Variants in HPSE2 observed in about 807,000 individuals in gnomAD.
HPSE2 encodes inactive heparanase-2.
A neutral mutation model predicts 60.5 loss-of-function variants in HPSE2; 38 were observed. The ratio of observed to expected loss-of-function variants is 0.63; its 90% CI spans 0.48 to 0.82. The LOEUF is 0.82. HPSE2 is among the 40% of genes least tolerant of loss of function. The probability of loss-of-function intolerance (pLI) is 0.00; values close to 1 mark genes in which losing one functional copy is unlikely to be tolerated. For synonymous variants in HPSE2, 295 were observed against 293.2 expected (o/e 1.01, Z -0.06); for missense variants, 713 against 740.4 (o/e 0.96, Z 0.43).
At chr10:98,971,532 G>A (rs778172491) in intron 3 of HPSE2, among the ~76,000 whole-genome samples, 21 of 152,086 alleles carry the variant, frequency 1.4e-4, no homozygotes, top group Admixed American at 5.9e-4. Flanking sequence ...ATCTGAGCAT[G>A]TATTTTTAAT....
At position 98,645,892 on chromosome 10, in the gene HPSE2, G is replaced by A. The variant is rs140245182; in HGVS notation, c.1005-3952C>T. Among the ~76,000 whole-genome samples the A allele has an allele frequency of 3.7e-3, 567 of 152,202 alleles. 4 individuals are homozygous for A. The highest frequency in any genetic ancestry group is 0.013 in the African/African-American group (545 of 41,536). On this transcript the variant is annotated intron_variant, in intron 6 of 11. Transcript: ENST00000370552. ...CCGGAGGCTGAGTCAGGAGAATGGCGTGAACCCGGGAGGCGGAGCTTGCAG... is the reference window on the plus strand; with the variant it reads ...CCGGAGGCTGAGTCAGGAGAATGGCATGAACCCGGGAGGCGGAGCTTGCAG...
At chr10:98,850,763 CTA>C (rs1952154783) in intron 3 of HPSE2, among the ~76,000 whole-genome samples, 1 of 140,884 alleles carries the variant, frequency 7.1e-6, no homozygotes, top group African/African-American at 2.6e-5. Flanking sequence ...AAAAAAGGAA[CTA>C]TTAGTTTAAC....
chr10:98,601,565 C>G (rs1194000320), intron 9 of HPSE2, among the ~76,000 whole-genome samples: 1 of 152,180 alleles, frequency 6.6e-6, no homozygotes, highest in Admixed American at 6.5e-5. Flanking sequence ...AGACTTATGT[C>G]TTCTGATAAA....
At chr10:98,988,045 A>G (rs1331865268) in intron 3 of HPSE2, among the ~76,000 whole-genome samples, 1 of 152,240 alleles carries the variant, frequency 6.6e-6, no homozygotes, top group Non-Finnish European at 1.5e-5. Context: ...GGAAGAATCA[A>G]TATCGTGAAA....
chr10:98,607,888 A>T (rs934718222), intron 9 of HPSE2, among the ~76,000 whole-genome samples: 2 of 152,168 alleles, frequency 1.3e-5, no homozygotes, highest in East Asian at 3.8e-4. Context: ...TTATTATCTT[A>T]CCACAGTTAT....
At chr10:99,242,195 T>A in the HPSE2 span, among the ~76,000 whole-genome samples, 1 of 152,220 alleles carries the variant, frequency 6.6e-6, no homozygotes, top group Non-Finnish European at 1.5e-5. Context: ...TTTCTCCATA[T>A]GGAATGCTGA....
At chr10:98,693,974 AT>A in intron 5 of HPSE2, 27 bp from the exon 6 acceptor site, 8 of 1,566,598 alleles carry the variant, frequency 5.1e-6, no homozygotes, top group African/African-American at 1.3e-5. Flanking sequence ...GAAAAAAGAT[AT>A]TACAACTTAG....
chr10:98,742,208 T>C (rs1949514058), intron 4 of HPSE2, among the ~76,000 whole-genome samples: 1 of 152,062 alleles, frequency 6.6e-6, no homozygotes, highest in Admixed American at 6.6e-5. Flanking sequence ...CTCCATTTGG[T>C]CAACTAACTA....
chr10:99,046,329 C>A (rs1396602136), intron 3 of HPSE2, among the ~76,000 whole-genome samples: 1 of 151,922 alleles, frequency 6.6e-6, no homozygotes, highest in Non-Finnish European at 1.5e-5. Flanking sequence ...AAGGAACATA[C>A]CTCAAAATAG....
chr10:98,507,113 G>A (rs1344100813), intron 9 of HPSE2, among the ~76,000 whole-genome samples: 2 of 152,142 alleles, frequency 1.3e-5, no homozygotes, highest in African/African-American at 4.8e-5. Flanking sequence ...TATACGAATA[G>A]GTTAATAAAC....
At chr10:98,943,558 T>C (rs939127929) in intron 3 of HPSE2, among the ~76,000 whole-genome samples, 6 of 152,070 alleles carry the variant, frequency 3.9e-5, no homozygotes, top group African/African-American at 1.2e-4. Flanking sequence ...AAATAACACA[T>C]GGTGTGTCAC....
At chr10:98,857,833 A>T (rs1952354777) in intron 3 of HPSE2, among the ~76,000 whole-genome samples, 1 of 152,208 alleles carries the variant, frequency 6.6e-6, no homozygotes, top group Admixed American at 6.5e-5. Flanking sequence ...TGTAAGGCAT[A>T]GAGTCTTTTC....
intron 3 of HPSE2, among the ~76,000 whole-genome samples, chr10:98,996,546 C>T (rs562535913): frequency 2.6e-5 from 4 of 152,216 alleles, no homozygotes; most frequent in African/African-American, 9.6e-5. Context: ...TTAGGTGTGT[C>T]CATAGAAGCT....
intron 9 of HPSE2, among the ~76,000 whole-genome samples, chr10:98,569,453 C>T (rs1944437030): frequency 1.3e-5 from 2 of 152,152 alleles, no homozygotes; most frequent in Admixed American, 6.5e-5. Context: ...ATTTAAATTA[C>T]AAATTTAAAA....
chr10:99,151,781 T>A lies in HPSE2; in HGVS notation c.449-7382A>T, dbSNP rs74493239. 3.2e-3 allele frequency among the ~76,000 whole-genome samples: 494 copies of A among 152,184 alleles called. 4 individuals carry two copies. Among genetic ancestry groups the A allele is most frequent in the Non-Finnish European group, 5.5e-3 (376 of 68,008 alleles). On this transcript the variant is annotated intron_variant, in intron 2 of 11. Transcript: ENST00000370552. ...AAAGGAAATATTTAGCCAAACATGA[T>A]GGCATGCACTTATAATCCCAGCTAT... is the stretch of plus-strand genomic sequence containing the variant.
intron 3 of HPSE2, among the ~76,000 whole-genome samples, chr10:99,030,112 G>T (rs1957467665): frequency 6.6e-6 from 1 of 152,126 alleles, no homozygotes; most frequent in Non-Finnish European, 1.5e-5. Context: ...GTTTTTCCTA[G>T]GTTATGATTA....
chr10:98,809,915 T>G (rs183354912), intron 3 of HPSE2, among the ~76,000 whole-genome samples: 10 of 151,228 alleles, frequency 6.6e-5, no homozygotes, highest in South Asian at 4.2e-4. Flanking sequence ...TTTTACTTAA[T>G]TCTTTGATCT....
In HPSE2 at chr10:98,482,717, A is replaced by C; in HGVS notation, c.1532T>G (p.Ile511Ser). 1 of 1,614,164 alleles carries C rather than the reference A, an allele frequency of 6.2e-7. No homozygotes were observed. The highest frequency in any genetic ancestry group is 8.5e-7 in the Non-Finnish European group (1 of 1,180,032). ...IINLHRSRKK[I>S]KLAGTLRDKL... Reference sequence around the variant, plus strand: ...GTCTCTGAGAGTCCCAGCCAGCTTGATTTTCTTTCTTGATCGATGCAAGTT... The same window carrying C: ...GTCTCTGAGAGTCCCAGCCAGCTTGCTTTTCTTTCTTGATCGATGCAAGTT... Residue 511 changes from isoleucine to serine, a missense_variant, in exon 11 of 12, where the codon ATC (isoleucine) becomes AGC (serine). Transcript: ENST00000370552.
At chr10:98,986,094 G>A (rs1232982368) in intron 3 of HPSE2, among the ~76,000 whole-genome samples, 2 of 152,102 alleles carry the variant, frequency 1.3e-5, no homozygotes, top group East Asian at 1.9e-4. Context: ...GAGACAGAAA[G>A]TTAACAAGAA....
Sources: allele counts gnomAD v4.1 joint callset (sites outside exome capture counted in the v4.1 genomes callset), GRCh38; gene constraint gnomAD v4.1.1; transcripts MANE v1.5; gene names NCBI Gene and HGNC (gene_info 2026-07-23, HGNC 2026-07-21).